The following LRRCC1 variants were observed in gnomAD, a reference collection of about 807,000 sequenced individuals.
The protein encoded by LRRCC1 is leucine-rich repeat and coiled-coil domain-containing protein 1.
A neutral mutation model predicts 126.0 loss-of-function variants in LRRCC1; 115 were observed. The observed-to-expected ratio is 0.91, with a 90% CI of 0.78 to 1.07. LRRCC1 has a LOEUF of 1.07. LRRCC1 is among the 50% of genes least tolerant of loss of function. The pLI is 0.00. For synonymous variants in LRRCC1, 400 were observed against 393.4 expected (o/e 1.02, Z -0.20); for missense variants, 1,172 against 1,175.7 (o/e 1.00, Z 0.05).
chr8:85,132,783 C>A (rs1167055418), intron 12 of LRRCC1, among the ~76,000 whole-genome samples: 1 of 152,124 alleles, frequency 6.6e-6, no homozygotes, highest in East Asian at 1.9e-4. Flanking sequence ...AGTTTGGTAA[C>A]CCCTGCTATA....
intron 6 of LRRCC1, among the ~76,000 whole-genome samples, chr8:85,122,876 C>T (rs186836622): frequency 6.6e-6 from 1 of 152,284 alleles, no homozygotes; most frequent in African/African-American, 2.4e-5. Context: ...AAGCATTTAA[C>T]TTGGTTTGAC....
intron 11 of LRRCC1, among the ~76,000 whole-genome samples, chr8:85,130,284 C>T (rs1180916573): frequency 1.3e-5 from 2 of 151,770 alleles, no homozygotes; most frequent in Non-Finnish European, 2.9e-5. Flanking sequence ...TACAGGCGCC[C>T]GCCACCATGC....
At chr8:85,129,475 T>G in intron 10 of LRRCC1, 96 bp downstream of exon 10, 3 of 1,030,546 alleles carry the variant, frequency 2.9e-6, no homozygotes, top group Non-Finnish European at 4.3e-6. Context: ...ACCTAAAAGA[T>G]GTAAGGCCAT....
chr8:85,130,628 ATTG>A (rs1437547016), intron 11 of LRRCC1, among the ~76,000 whole-genome samples: 1 of 152,200 alleles, frequency 6.6e-6, no homozygotes, highest in African/African-American at 2.4e-5. Flanking sequence ...AATATAGCTT[ATTG>A]TTCATTTCTT....
At chr8:85,114,644 G>A (rs1455454934) in intron 4 of LRRCC1, among the ~76,000 whole-genome samples, 1 of 152,064 alleles carries the variant, frequency 6.6e-6, no homozygotes, top group African/African-American at 2.4e-5. Flanking sequence ...TAAAAGGGAA[G>A]AAGGGATATT....
At chr8:85,128,885 A>T (rs1226932238) in intron 9 of LRRCC1, among the ~76,000 whole-genome samples, 1 of 152,100 alleles carries the variant, frequency 6.6e-6, no homozygotes, top group East Asian at 1.9e-4. Flanking sequence ...TCATCAATTG[A>T]TATTGATATC....
In LRRCC1 at chr8:85,113,028, T is replaced by C; in HGVS notation, c.473T>C (p.Val158Ala). ...ATCCATCACTTACTTCAGTGTATGG[T>C]AGGATTGCACTTCCTGACCAATCTT... is the stretch of plus-strand genomic sequence containing the variant. Reference protein sequence around the residue: ...DSIHHLLQCMVGLHFLTNLIL... With the variant: ...DSIHHLLQCMAGLHFLTNLIL... The change falls in exon 4 of 19, where the codon GTA becomes GCA. Residue 158 changes from valine (V) to alanine (A), a missense_variant. Coordinates refer to ENST00000360375, the MANE Select transcript of LRRCC1 (RefSeq NM_033402.5). 6.2e-7 allele frequency: 1 copy of C among 1,611,820 alleles called. No individual in the cohort carries two copies. The highest frequency in any genetic ancestry group is 1.7e-5 in the Admixed American group (1 of 59,934).
At position 85,123,412 on chromosome 8, in the gene LRRCC1, G is replaced by A; in HGVS notation, c.931-1G>A. On this transcript the variant is annotated splice_acceptor_variant, in intron 6 of 18. Coordinates refer to ENST00000360375, the MANE Select transcript of LRRCC1 (RefSeq NM_033402.5). LOFTEE classifies it high-confidence loss of function. ...AATTTTGTTGGCTTTTTAAATTTTA[G>A]ACTTCTAATTCAATAGATAACGTTC... 6.4e-7 allele frequency: 1 copy of A among 1,569,170 alleles called. No individual in the cohort carries two copies. The highest frequency in any genetic ancestry group is 2.3e-5 in the East Asian group (1 of 44,120).
At chr8:85,121,351 T>C (rs1235786219) in intron 6 of LRRCC1, among the ~76,000 whole-genome samples, 1 of 152,196 alleles carries the variant, frequency 6.6e-6, no homozygotes, top group Non-Finnish European at 1.5e-5. Context: ...GTTTGTCTCT[T>C]TTATATTCAT....
chr8:85,129,239 C>T lies in LRRCC1; in HGVS notation c.1486C>T (p.Leu496Phe). Residue 496 changes from leucine to phenylalanine, a missense_variant, in exon 10 of 19, where the codon CTT becomes TTT. By Grantham distance (22) the Leu-to-Phe change is conservative. Coordinates refer to ENST00000360375, the MANE Select transcript of LRRCC1 (RefSeq NM_033402.5). ...ACAACTCGAAGTTATGGTTCACAAA[C>T]TTCAAAATGAAATTAAAAAACTGAC... ...KGQLEVMVHK[L>F]QNEIKKLTVE... is the part of the protein sequence containing the mutation. The T allele has an allele frequency of 6.2e-7, 1 of 1,613,484 alleles. No homozygotes were observed. Among genetic ancestry groups the T allele is most frequent in the East Asian group, 2.2e-5 (1 of 44,838 alleles).
rs767083034 is a variant in LRRCC1, at chr8:85,130,034, T to C, written c.1742T>C (p.Leu581Pro). ...REQAQQLHQL[L>P]ALKEQEHRKE... ...CAAGCGCAACAACTTCATCAACTTCTTGCATTGAAAGAACAGGAACACAGG... is the reference window on the plus strand; with the variant it reads ...CAAGCGCAACAACTTCATCAACTTCCTGCATTGAAAGAACAGGAACACAGG... Residue 581 changes from leucine (L) to proline (P), a missense_variant, in exon 11 of 19, where the codon CTT becomes CCT. Leu to Pro is a moderately conservative substitution (Grantham distance 98). Transcript: ENST00000360375. The C allele has an allele frequency of 1.9e-6, 3 of 1,594,662 alleles. No individual in the cohort carries two copies. The highest frequency in any genetic ancestry group is 2.6e-6 in the Non-Finnish European group (3 of 1,173,172).
chr8:85,119,866 C>T (rs899329555), intron 6 of LRRCC1, among the ~76,000 whole-genome samples: 6 of 152,242 alleles, frequency 3.9e-5, no homozygotes, highest in East Asian at 1.9e-4. Context: ...CTTTTAAAGC[C>T]GTAAACATTC....
At chr8:85,141,264 A>G (rs1007825292) in intron 17 of LRRCC1, 118 bp from the exon 18 acceptor site, 2 of 701,584 alleles carry the variant, frequency 2.9e-6, no homozygotes, top group South Asian at 4.6e-5. Flanking sequence ...TATTTTCATA[A>G]TACTGAGTTA....
At chr8:85,116,353 ATTT>A (rs1809123710) in intron 6 of LRRCC1, among the ~76,000 whole-genome samples, 1 of 152,076 alleles carries the variant, frequency 6.6e-6, no homozygotes, top group Admixed American at 6.6e-5. Flanking sequence ...CAACTTAAAA[ATTT>A]TTAACTAAGT....
At chr8:85,123,280 G>T (rs1809708361) in intron 6 of LRRCC1, 133 bp from the exon 7 acceptor site, 1 of 601,516 alleles carries the variant, frequency 1.7e-6, no homozygotes, top group African/African-American at 2.0e-5. Context: ...TGAATTCCCT[G>T]TCTTTAATAT....
intron 9 of LRRCC1, among the ~76,000 whole-genome samples, chr8:85,128,051 C>T (rs1031937598): frequency 2.0e-5 from 3 of 152,162 alleles, no homozygotes; most frequent in Non-Finnish European, 4.4e-5. Context: ...AAAGATATGT[C>T]TTCCTTTTTT....
intron 15 of LRRCC1, 56 bp from the exon 16 acceptor site, chr8:85,137,979 C>T: frequency 2.4e-6 from 2 of 830,310 alleles, no homozygotes; most frequent in Non-Finnish European, 3.7e-6. Context: ...TCTAATTAAC[C>T]AGAATATGAA....
chr8:85,125,796 C>T (rs1238462709), intron 8 of LRRCC1, among the ~76,000 whole-genome samples: 1 of 151,570 alleles, frequency 6.6e-6, no homozygotes, highest in Non-Finnish European at 1.5e-5. Flanking sequence ...ATTAACTTCC[C>T]CTTATATTAC....
intron 8 of LRRCC1, among the ~76,000 whole-genome samples, chr8:85,125,421 C>G (rs1231370002): frequency 1.3e-5 from 2 of 151,890 alleles, no homozygotes; most frequent in Non-Finnish European, 2.9e-5. Flanking sequence ...CGCCTGTAAT[C>G]CCAGCACTTT....
Sources: gnomAD v4.1 joint callset for allele counts (sites outside exome capture counted in the v4.1 genomes callset) on GRCh38, gnomAD v4.1.1 for gene constraint, MANE v1.5 for transcripts, NCBI Gene and HGNC (gene_info 2026-07-23, HGNC 2026-07-21) for gene names.